Variants in OSBPL10 observed in about 807,000 individuals in gnomAD.
The protein encoded by OSBPL10 is oxysterol binding protein like 10.
Under a neutral mutation model 81.7 loss-of-function variants are expected in OSBPL10, and 49 were observed. The ratio of observed to expected loss-of-function variants is 0.60; its 90% CI spans 0.48 to 0.76. The LOEUF is 0.76. Ranked by LOEUF, OSBPL10 falls within the 30% of genes least tolerant of loss-of-function variation. OSBPL10 has a pLI of 0.00. For synonymous variants in OSBPL10, 419 were observed against 383.6 expected, an observed-to-expected ratio of 1.09 and a Z score of -1.08; for missense variants, 923 against 987.8, an observed-to-expected ratio of 0.93 and a Z score of 0.88.
At chr3:31,715,070 C>G (rs1264659538) in intron 6 of OSBPL10, among the ~76,000 whole-genome samples, 1 of 151,926 alleles carries the variant, frequency 6.6e-6, no homozygotes, top group Non-Finnish European at 1.5e-5. Flanking sequence ...TCAATCTGAC[C>G]CATACTTCCC....
chr3:31,870,237 C>T (rs1575591887), intron 3 of OSBPL10, among the ~76,000 whole-genome samples: 2 of 152,228 alleles, frequency 1.3e-5, no homozygotes, highest in East Asian at 1.9e-4. Flanking sequence ...CCTCCCGGCC[C>T]GGGCAGTGAG....
intron 4 of OSBPL10, among the ~76,000 whole-genome samples, chr3:31,793,722 G>C (rs1452325898): frequency 1.3e-5 from 2 of 152,304 alleles, no homozygotes; most frequent in Non-Finnish European, 2.9e-5. Context: ...GGACTCATGA[G>C]AAACAATAGT....
At chr3:31,875,364 T>C (rs540678776) in intron 3 of OSBPL10, among the ~76,000 whole-genome samples, 133 of 152,156 alleles carry the variant, frequency 8.7e-4, no homozygotes, top group African/African-American at 3.0e-3. Flanking sequence ...TAGATGTATA[T>C]AAAGTACCAA....
At chr3:31,843,466 TTCTAC>T (rs1700550434) in intron 3 of OSBPL10, among the ~76,000 whole-genome samples, 1 of 152,208 alleles carries the variant, frequency 6.6e-6, no homozygotes, top group African/African-American at 2.4e-5. Flanking sequence ...GCTCTCCTTA[TTCTAC>T]TCTTCCGGGA....
In OSBPL10 at chr3:31,748,654, A is replaced by AAAC. The variant is rs1219735165; in HGVS notation, c.730-535_730-534insGTT. ...CCTTCGCTCGCTTGCAAAAAAAAAA[A>AAAC]AAAAAATGCTAAACAGGACATGACC... On this transcript the variant is annotated intron_variant, in intron 4 of 11. Coordinates refer to ENST00000396556, the MANE Select transcript of OSBPL10 (RefSeq NM_017784.5). Among the ~76,000 whole-genome samples, 654 of 151,758 alleles carry AAAC rather than the reference A, an allele frequency of 4.3e-3. 5 individuals are homozygous for AAAC. Among genetic ancestry groups the AAAC allele is most frequent in the African/African-American group, 0.015 (615 of 41,362 alleles).
At chr3:32,031,032 G>T (rs953383536) in intron 2 of OSBPL10, among the ~76,000 whole-genome samples, 6 of 152,050 alleles carry the variant, frequency 3.9e-5, no homozygotes, top group Non-Finnish European at 7.4e-5. Context: ...GCCTGGCGTT[G>T]TGGCAGGTGC....
intron 9 of OSBPL10, among the ~76,000 whole-genome samples, chr3:31,669,669 C>T (rs1477224871): frequency 6.6e-6 from 1 of 152,154 alleles, no homozygotes; most frequent in Non-Finnish European, 1.5e-5. Context: ...TGTGGGAATT[C>T]CAAGTGAAAG....
intron 3 of OSBPL10, among the ~76,000 whole-genome samples, chr3:31,836,556 GC>G: frequency 9.7e-6 from 1 of 102,852 alleles, no homozygotes. Context: ...CTACCCCCCT[GC>G]CAATAAATCC....
At chr3:31,960,711 T>G (rs888874801) in intron 1 of OSBPL10, among the ~76,000 whole-genome samples, 7 of 152,130 alleles carry the variant, frequency 4.6e-5, no homozygotes, top group African/African-American at 1.7e-4. Flanking sequence ...TTCCCCACTC[T>G]GGAAACTGTT....
At chr3:31,990,005 C>A in intron 2 of OSBPL10, 2 of 1,614,108 alleles carry the variant, frequency 1.2e-6, no homozygotes, top group Non-Finnish European at 1.7e-6. Context: ...AGACTTCATA[C>A]TGGAGAGAAA....
chr3:31,789,516 A>G (rs990790545), intron 4 of OSBPL10, among the ~76,000 whole-genome samples: 4 of 152,244 alleles, frequency 2.6e-5, no homozygotes, highest in Non-Finnish European at 4.4e-5. Flanking sequence ...CAAGTCCCTG[A>G]AGGTCCAGGA....
chr3:31,991,266 G>A (rs559175151), intron 2 of OSBPL10: 13 of 333,628 alleles, frequency 3.9e-5, no homozygotes, highest in African/African-American at 1.3e-4. Context: ...GCCAAAAGAC[G>A]TGAGCCACTT....
At chr3:32,018,649 T>A (rs1699335976) in intron 2 of OSBPL10, among the ~76,000 whole-genome samples, 1 of 152,114 alleles carries the variant, frequency 6.6e-6, no homozygotes, top group Non-Finnish European at 1.5e-5. Context: ...AAGGCCACAG[T>A]GAGCTATGAT....
intron 4 of OSBPL10, among the ~76,000 whole-genome samples, chr3:31,813,234 G>C (rs1049813186): frequency 6.6e-6 from 1 of 152,172 alleles, no homozygotes; most frequent in Non-Finnish European, 1.5e-5. Context: ...TTCTGATTTA[G>C]GGATGACCAA....
At chr3:31,690,974 C>G (rs894197191) in intron 7 of OSBPL10, among the ~76,000 whole-genome samples, 2 of 151,650 alleles carry the variant, frequency 1.3e-5, no homozygotes, top group African/African-American at 4.9e-5. Context: ...ATTTCTTGGA[C>G]AGTGAACACC....
chr3:31,942,673 T>C (rs986151419), intron 1 of OSBPL10, among the ~76,000 whole-genome samples: 8 of 152,028 alleles, frequency 5.3e-5, no homozygotes, highest in African/African-American at 1.7e-4. Context: ...ACAAACCCAT[T>C]TAAAGCACAG....
chr3:31,761,823 A>AAAAAAAAAAAAAAAAAAAAAAAAC (rs1553622727), intron 4 of OSBPL10, among the ~76,000 whole-genome samples: 57 of 149,954 alleles, frequency 3.8e-4, no homozygotes, highest in African/African-American at 1.4e-3. Context: ...TAAAAAAAAA[A>AAAAAAAAAAAAAAAAAAAAAAAAC]AAAAAAAACC....
intron 1 of OSBPL10, among the ~76,000 whole-genome samples, chr3:31,886,036 A>C: frequency 7.5e-6 from 1 of 132,798 alleles, no homozygotes; most frequent in South Asian, 2.9e-4. Context: ...AGAAAGGAGA[A>C]GGAGATGGGG....
At chr3:32,034,695 G>A (rs1369681365) in intron 2 of OSBPL10, among the ~76,000 whole-genome samples, 4 of 152,120 alleles carry the variant, frequency 2.6e-5, no homozygotes, top group African/African-American at 9.7e-5. Flanking sequence ...CACCTAATAT[G>A]CTATAATCAG....
Sources: gnomAD v4.1 joint callset for allele counts (sites outside exome capture counted in the v4.1 genomes callset) on GRCh38, gnomAD v4.1.1 for gene constraint, MANE v1.5 for transcripts, NCBI Gene and HGNC (gene_info 2026-07-23, HGNC 2026-07-21) for gene names.